Variants in GINS3 observed in about 807,000 individuals in gnomAD.
GINS3 encodes DNA replication complex GINS protein PSF3.
In GINS3, 18 loss-of-function variants were observed where a neutral mutation model predicts 20.0. The observed-to-expected ratio is 0.90, with a 90% CI of 0.62 to 1.33. GINS3 has a LOEUF of 1.33. GINS3 is among the 40% of genes most tolerant of loss of function. The pLI is 0.00. For missense variants in GINS3, 254 were observed against 273.6 expected, an observed-to-expected ratio of 0.93 and a Z score of 0.51; for synonymous variants, 109 against 107.0, an observed-to-expected ratio of 1.02 and a Z score of -0.12.
intron 1 of GINS3, among the ~76,000 whole-genome samples, chr16:58,397,777 G>A (rs1003817413): frequency 2.0e-5 from 3 of 152,116 alleles, no homozygotes; most frequent in Non-Finnish European, 2.9e-5. Flanking sequence ...GCTTCGGCTC[G>A]GCATCAGAGG....
At chr16:58,401,076 A>G (rs185203491) in intron 1 of GINS3, among the ~76,000 whole-genome samples, 167 of 151,372 alleles carry the variant, frequency 1.1e-3, no homozygotes, top group African/African-American at 3.7e-3. Flanking sequence ...TGGCCTCCCA[A>G]ATTATTGGTG....
chr16:58,398,753 G>C (rs1400658049), intron 1 of GINS3, among the ~76,000 whole-genome samples: 1 of 152,074 alleles, frequency 6.6e-6, no homozygotes, highest in African/African-American at 2.4e-5. Context: ...TTGAGATTTG[G>C]TCATTTACCA....
Position 58,395,063 on chromosome 16 carries a change from AC to A in GINS3, c.186+2278del. 3 of 538,180 alleles carry A rather than the reference AC, an allele frequency of 5.6e-6. No homozygotes were observed. The Admixed American group carries it at 1.1e-4, about 19-fold the overall frequency. 33.3% of individuals were successfully genotyped at this position (538,180 alleles called of 1,614,324 possible). A position where few individuals can be genotyped will look rare whatever the true frequency, so the allele number is the denominator to read the frequency against. On this transcript the variant is annotated intron_variant, in intron 1 of 2. Transcript: ENST00000318129. Reference sequence around the variant, plus strand: ...TATTTGGTTTTTAACTAAAACTTTGACCATTTTATCTAATTTTTTTTTTTTT... The same window carrying A: ...TATTTGGTTTTTAACTAAAACTTTGACATTTTATCTAATTTTTTTTTTTTT...
At chr16:58,395,919 TGCC>T (rs1567534959) in intron 1 of GINS3, among the ~76,000 whole-genome samples, 1 of 132,374 alleles carries the variant, frequency 7.6e-6, no homozygotes, top group Non-Finnish European at 1.6e-5. Context: ...CGGGCAGAGG[TGCC>T]CCTCACCTCC....
chr16:58,404,046 T>C (rs1270524299), intron 2 of GINS3: 1 of 165,734 alleles, frequency 6.0e-6, no homozygotes, highest in Non-Finnish European at 1.3e-5. Context: ...GTTATTACTT[T>C]TCCAGGACAA....
chr16:58,404,734 C>T lies in GINS3; in HGVS notation c.*5C>T, dbSNP rs369156624. 1.5e-5 allele frequency: 24 copies of T among 1,604,214 alleles called. No individual in the cohort carries two copies. Among genetic ancestry groups the T allele is most frequent in the Middle Eastern group, 1.6e-4 (1 of 6,066 alleles). ...TTCACTGATATGGAAGACTGAAAGC[C>T]GGAAGAACACAGAATGGCTCCTCAC... On this transcript the variant is annotated 3_prime_UTR_variant, in exon 3 of 3. Transcript: ENST00000318129.
chr16:58,404,242 C>G (rs1037009933), intron 2 of GINS3: 85 of 463,178 alleles, frequency 1.8e-4, no homozygotes, highest in Non-Finnish European at 3.1e-4. Flanking sequence ...TAGCCATTTG[C>G]TAGGTGCATT....
rs537201987 is a variant in GINS3 at position 58,403,036 on chromosome 16, C to T, written c.187-62C>T. On this transcript the variant is annotated intron_variant, in intron 1 of 2. Coordinates refer to ENST00000318129, the MANE Select transcript of GINS3 (RefSeq NM_022770.4). ...GCGCAGGCGATGTGTATTTCCTTTTCGTCACACACATTTGCTGTGTTACTT... is the reference window on the plus strand; with the variant it reads ...GCGCAGGCGATGTGTATTTCCTTTTTGTCACACACATTTGCTGTGTTACTT... 399 of 1,344,860 alleles carry T rather than the reference C, an allele frequency of 3.0e-4. 1 individual carries two copies. The Middle Eastern group carries it at 9.4e-3, about 32-fold the overall frequency. The allele number at this position is 1,344,860 out of a possible 1,614,324, so 83.3% of individuals were successfully genotyped here.
chr16:58,399,858 C>T (rs74019861), intron 1 of GINS3, among the ~76,000 whole-genome samples: 7,305 of 152,240 alleles, frequency 0.048, 189 homozygotes, highest in African/African-American at 0.073. Flanking sequence ...ACTTTCACCA[C>T]TTCACAGAAA....
chr16:58,401,461 C>T (rs1317765734), intron 1 of GINS3, among the ~76,000 whole-genome samples: 1 of 152,096 alleles, frequency 6.6e-6, no homozygotes, highest in African/African-American at 2.4e-5. Flanking sequence ...CTTATTTGGC[C>T]CCACCCACAT....
chr16:58,404,382 T>G, intron 2 of GINS3, 117 bp from the exon 3 acceptor site: 2 of 691,824 alleles, frequency 2.9e-6, no homozygotes, highest in Non-Finnish European at 5.0e-6. Flanking sequence ...GACCTCCTTC[T>G]GAGTCCTACA....
At chr16:58,395,009 C>A in intron 1 of GINS3, 1 of 467,432 alleles carries the variant, frequency 2.1e-6, no homozygotes. Flanking sequence ...ATTATTCAGA[C>A]TTGATTTCTT....
intron 1 of GINS3, among the ~76,000 whole-genome samples, chr16:58,395,825 C>T (rs1040101856): frequency 1.3e-5 from 2 of 152,202 alleles, no homozygotes; most frequent in Admixed American, 6.5e-5. Flanking sequence ...TCATCCTGGC[C>T]CGTTCTCAAT....
At position 58,392,715 on chromosome 16, in the gene GINS3, C is replaced by G. The variant is rs1965797975; in HGVS notation, c.114C>G (p.Thr38=). ...AGAAGCTGCCGGTGCGCACGGAGAC[C>G]GCCATGCCTCGCCTTGGCGCTTTCT... is the stretch of plus-strand genomic sequence containing the variant. ...SHEKLPVRTE[T]AMPRLGAFFL... Residue 38 remains threonine, a synonymous_variant, in exon 1 of 3, where the codon ACC becomes ACG. Coordinates refer to ENST00000318129, the MANE Select transcript of GINS3 (RefSeq NM_022770.4). The G allele has an allele frequency of 6.2e-7, 1 of 1,614,218 alleles. No individual in the cohort carries two copies. Among genetic ancestry groups the G allele is most frequent in the South Asian group, 1.1e-5 (1 of 91,092 alleles).
chr16:58,395,202 T>C (rs948137563), intron 1 of GINS3: 3 of 415,700 alleles, frequency 7.2e-6, no homozygotes, highest in Non-Finnish European at 1.3e-5. Flanking sequence ...CAGCCACCTA[T>C]GTGGCTGGTA....
chr16:58,401,154 C>T (rs79506060), intron 1 of GINS3, among the ~76,000 whole-genome samples: 8,344 of 151,920 alleles, frequency 0.055, 286 homozygotes, highest in African/African-American at 0.097. Flanking sequence ...AGAATGAAGC[C>T]GAAGACCCTT....
chr16:58,402,592 T>C (rs1015732840), intron 1 of GINS3, among the ~76,000 whole-genome samples: 8 of 152,180 alleles, frequency 5.3e-5, no homozygotes, highest in African/African-American at 1.7e-4. Flanking sequence ...CTATTGAGGC[T>C]TTAAAAACTA....
At chr16:58,396,911 C>T (rs529623712) in intron 1 of GINS3, among the ~76,000 whole-genome samples, 43 of 148,630 alleles carry the variant, frequency 2.9e-4, no homozygotes, top group South Asian at 8.5e-4. Flanking sequence ...ACCTCCTTCC[C>T]GGACGGGGCG....
At position 58,392,776 on chromosome 16, in the gene GINS3, G is replaced by T; in HGVS notation, c.175G>T (p.Ala59Ser). The change falls in exon 1 of 3, where the codon GCG (alanine) becomes TCG (serine). Residue 59 changes from alanine to serine, a missense_variant. Transcript: ENST00000318129. The part of the protein sequence containing the change: ...ERSAGAETDN[A>S]VPQGSKLELP... ...GAGCGCAGGCGCCGAGACTGACAAC[G>T]CGGTCCCACAGGTGAGCCTTTGGGT... The T allele has an allele frequency of 6.2e-7, 1 of 1,607,440 alleles. No individual in the cohort carries two copies. The highest frequency in any genetic ancestry group is 1.1e-5 in the South Asian group (1 of 90,550).
Sources: allele counts gnomAD v4.1 joint callset (sites outside exome capture counted in the v4.1 genomes callset), GRCh38; gene constraint gnomAD v4.1.1; transcripts MANE v1.5; gene names NCBI Gene and HGNC (gene_info 2026-07-23, HGNC 2026-07-21).